TRHDE: variants seen among roughly 807,000 people sequenced by gnomAD.
The protein encoded by TRHDE is thyrotropin-releasing hormone-degrading ectoenzyme.
Under a neutral mutation model 125.7 loss-of-function variants are expected in TRHDE, and 72 were observed. The ratio of observed to expected loss-of-function variants is 0.57; its 90% CI spans 0.47 to 0.70. The LOEUF is 0.70. Among genes scored for constraint, TRHDE ranks in the 30% least tolerant of loss-of-function variants. The pLI is 0.00. For synonymous variants in TRHDE, 509 were observed against 509.1 expected (o/e 1.00, Z 0.00); for missense variants, 1,110 against 1,327.1 (o/e 0.84, Z 2.54).
Position 72,111,459 on chromosome 12 carries a change from T to A in TRHDE, n.279+5707T>A, listed in dbSNP as rs149810630. ...TTTTCTTTATAAGTAGAAAGTGGAA[T>A]GAAACAGCTCATTGTACTGGAAACA... On this transcript the variant is annotated intron_variant and non_coding_transcript_variant, in intron 2 of 4. Coordinates refer to the TRHDE transcript ENST00000548156. 1.0e-3 allele frequency among the ~76,000 whole-genome samples: 157 copies of A among 152,260 alleles called. 4 individuals are homozygous for A. In the East Asian group the frequency reaches 0.017, roughly 16 times the overall value.
intron 2 of TRHDE, among the ~76,000 whole-genome samples, chr12:72,124,134 C>T (rs771311090): frequency 2.6e-5 from 4 of 152,128 alleles, no homozygotes; most frequent in East Asian, 1.9e-4. Context: ...ACATCTAATT[C>T]GTAGTGCCTC....
At chr12:72,521,785 G>T (rs1484652929) in intron 6 of TRHDE, among the ~76,000 whole-genome samples, 1 of 152,156 alleles carries the variant, frequency 6.6e-6, no homozygotes, top group Non-Finnish European at 1.5e-5. Flanking sequence ...TCTGGAAGGG[G>T]GTCTGTCACA....
chr12:72,506,525 T>G, intron 6 of TRHDE, among the ~76,000 whole-genome samples: 1 of 152,194 alleles, frequency 6.6e-6, no homozygotes, highest in East Asian at 1.9e-4. Context: ...GCAGGCATTT[T>G]TAACTCATTT....
intron 3 of TRHDE, among the ~76,000 whole-genome samples, chr12:72,436,286 G>T (rs765545138): frequency 2.0e-5 from 3 of 151,930 alleles, no homozygotes; most frequent in South Asian, 4.2e-4. Context: ...ACATGTCGTG[G>T]TTTTTTCCAG....
At chr12:72,363,649 C>A (rs1404764956) in intron 2 of TRHDE, among the ~76,000 whole-genome samples, 1 of 152,022 alleles carries the variant, frequency 6.6e-6, no homozygotes, top group Non-Finnish European at 1.5e-5. Context: ...CTATGACAAA[C>A]CCACAGCCAA....
At chr12:72,243,191 C>T (rs552267783) in intron 2 of TRHDE, among the ~76,000 whole-genome samples, 11 of 152,300 alleles carry the variant, frequency 7.2e-5, no homozygotes, top group Admixed American at 3.3e-4. Flanking sequence ...GGACTTCCTG[C>T]GATGAATGCT....
rs1312727486 is a variant in TRHDE, at chr12:72,664,458, T to A, written c.*1263T>A. 2 of 152,548 alleles carry A rather than the reference T, an allele frequency of 1.3e-5. No individual in the cohort carries two copies. Among genetic ancestry groups the A allele is most frequent in the African/African-American group, 2.4e-5 (1 of 41,444 alleles). 9.4% of individuals were successfully genotyped at this position (152,548 alleles called of 1,614,324 possible). A position where few individuals can be genotyped will look rare whatever the true frequency, so the allele number is the denominator to read the frequency against. On this transcript the variant is annotated 3_prime_UTR_variant, in exon 19 of 19. Transcript: ENST00000261180. The stretch of plus-strand genomic sequence containing the variant: ...AAAAGTTCCTTTTCTTGTGTTAATG[T>A]ACAAAGCTTTTCTTTTGGCACTGAC...
At chr12:72,177,976 A>C (rs1877022831) in intron 2 of TRHDE, among the ~76,000 whole-genome samples, 1 of 152,160 alleles carries the variant, frequency 6.6e-6, no homozygotes, top group Non-Finnish European at 1.5e-5. Context: ...CTGGGGCTAG[A>C]ATTGCCAAAT....
intron 2 of TRHDE, among the ~76,000 whole-genome samples, chr12:72,222,014 T>C (rs973460549): frequency 6.6e-6 from 1 of 152,078 alleles, no homozygotes; most frequent in African/African-American, 2.4e-5. Context: ...TGCCTCACAA[T>C]GTGGAAGCTT....
chr12:72,125,676 T>A (rs945266875), intron 2 of TRHDE, among the ~76,000 whole-genome samples: 2 of 152,206 alleles, frequency 1.3e-5, no homozygotes, highest in African/African-American at 4.8e-5. Flanking sequence ...ACATAAATGA[T>A]TTCTGGCCAA....
chr12:72,124,997 A>T (rs1455233183), intron 2 of TRHDE, among the ~76,000 whole-genome samples: 1 of 152,176 alleles, frequency 6.6e-6, no homozygotes, highest in Non-Finnish European at 1.5e-5. Flanking sequence ...TTGAGTCATT[A>T]TTGTATTCCT....
chr12:72,144,103 A>G (rs1441035125), intron 2 of TRHDE, among the ~76,000 whole-genome samples: 2 of 152,196 alleles, frequency 1.3e-5, no homozygotes, highest in African/African-American at 2.4e-5. Context: ...GCATCTTGTC[A>G]TGCCTCAAAG....
chr12:72,296,041 C>T (rs182190791), intron 2 of TRHDE, among the ~76,000 whole-genome samples: 18 of 152,262 alleles, frequency 1.2e-4, no homozygotes, highest in Admixed American at 9.8e-4. Flanking sequence ...TTCTGCTGTT[C>T]ATAGAGCTTT....
At chr12:72,150,817 T>G (rs1176031021) in intron 2 of TRHDE, among the ~76,000 whole-genome samples, 6 of 151,926 alleles carry the variant, frequency 3.9e-5, no homozygotes, top group Non-Finnish European at 5.9e-5. Flanking sequence ...ATTTGGGTTG[T>G]TTCCAAGTCT....
chr12:72,473,086 C>T lies in TRHDE; in HGVS notation c.1490C>T (p.Thr497Met), dbSNP rs371645003. The change falls in exon 5 of 19, where the codon ACG (threonine) becomes ATG (methionine). Residue 497 changes from threonine (T) to methionine (M), a missense_variant. Physicochemically the swap from Thr to Met is moderately conservative, Grantham distance 81. This residue lies in a region of TRHDE where 11 missense variants were observed against 37.5 expected (regional missense o/e 0.29). Coordinates refer to ENST00000261180, the MANE Select transcript of TRHDE (RefSeq NM_013381.3). Reference sequence around the variant, plus strand: ...CTGCAGTGGTTTGGTGACCTTGTGACGCCTGTGTGGTGGGAAGACGTGTGG... The same window carrying T: ...CTGCAGTGGTTTGGTGACCTTGTGATGCCTGTGTGGTGGGAAGACGTGTGG... ...ICHQWFGDLV[T>M]PVWWEDVWLK... The T allele has an allele frequency of 5.6e-6, 9 of 1,613,820 alleles. No individual in the cohort carries two copies. Among genetic ancestry groups the T allele is most frequent in the African/African-American group, 1.3e-5 (1 of 75,020 alleles).
intron 15 of TRHDE, among the ~76,000 whole-genome samples, chr12:72,638,503 C>T (rs138121387): frequency 0.056 from 8,396 of 151,222 alleles, 300 homozygotes; most frequent in Middle Eastern, 0.11. Flanking sequence ...AGTCCATTTA[C>T]ATTTAAAGTT....
rs573523075 is a variant in TRHDE at position 72,197,863 on chromosome 12, C to T, written n.279+92111C>T. ...GTATTCCTCTATTATTCTCTATTAT[C>T]GTACCCTATATGCTTTATTCATATC... On this transcript the variant is annotated intron_variant and non_coding_transcript_variant, in intron 2 of 4. Coordinates refer to the TRHDE transcript ENST00000548156. 7.2e-5 allele frequency among the ~76,000 whole-genome samples: 11 copies of T among 151,816 alleles called. No homozygotes were observed. In the South Asian group the frequency reaches 1.7e-3, roughly 23 times the overall value.
At chr12:72,156,456 A>T (rs1333519963) in intron 2 of TRHDE, among the ~76,000 whole-genome samples, 1 of 152,184 alleles carries the variant, frequency 6.6e-6, no homozygotes, top group Non-Finnish European at 1.5e-5. Context: ...CTCAGCTGGA[A>T]ATGCAGAAAT....
At chr12:72,561,919 A>G (rs1370609389) in intron 7 of TRHDE, among the ~76,000 whole-genome samples, 1 of 152,168 alleles carries the variant, frequency 6.6e-6, no homozygotes, top group Admixed American at 6.5e-5. Flanking sequence ...GACTCTGAAT[A>G]TCTGTAAGAA....
Sources: gnomAD v4.1 joint callset for allele counts (sites outside exome capture counted in the v4.1 genomes callset) on GRCh38, gnomAD v4.1.1 for gene constraint, gnomAD v4.1.1 regional missense constraint, MANE v1.5 for transcripts, NCBI Gene and HGNC (gene_info 2026-07-23, HGNC 2026-07-21) for gene names.